Variants in DOCK8 observed in about 807,000 individuals in gnomAD.
DOCK8 encodes the protein dedicator of cytokinesis 8.
A neutral mutation model predicts 245.6 loss-of-function variants in DOCK8; 141 were observed. That is an observed-to-expected ratio of 0.57 (90% CI 0.50 to 0.66). The LOEUF (loss-of-function observed/expected upper bound fraction) is 0.66. DOCK8 is among the 30% of genes least tolerant of loss of function. The pLI is 0.00. For synonymous variants in DOCK8, 1,168 were observed against 970.2 expected (o/e 1.20, Z -3.79); for missense variants, 2,965 against 2,603.4 (o/e 1.14, Z -3.02).
chr9:264,508 A>G (rs1420847555), intron 1 of DOCK8, among the ~76,000 whole-genome samples: 1 of 152,254 alleles, frequency 6.6e-6, no homozygotes, highest in African/African-American at 2.4e-5. Context: ...GAGATAGAGA[A>G]TATGAGAAAC....
rs1414682225 is a variant in DOCK8 at position 429,734 on chromosome 9, A to G, written c.4506A>G (p.Glu1502=). 1.9e-6 allele frequency: 3 copies of G among 1,614,068 alleles called. No individual in the cohort carries two copies. The highest frequency in any genetic ancestry group is 1.3e-5 in the African/African-American group (1 of 74,930). ...ACTTACTCTTTGAAGAGGAGGTGGA[A>G]CAGTGTTTCGACCTATGTCACCAAG... ...FGDLLFEEEV[E]QCFDLCHQVL... is the part of the protein sequence containing the mutation. The change falls in exon 36 of 48, where the codon GAA becomes GAG. Residue 1502 remains glutamate (E), a synonymous_variant. Coordinates refer to ENST00000432829, the MANE Select transcript of DOCK8 (RefSeq NM_203447.4).
In DOCK8 at chr9:261,475, C is replaced by G. The variant is rs7862339; in HGVS notation, c.54-10152C>G. On this transcript the variant is annotated intron_variant, in intron 1 of 47. Transcript: ENST00000432829. ...GTTCTACATGGCATCAGACTAGCTA[C>G]TCTATATGATTTCTGGACCTTTGCA... 1.0e-3 allele frequency among the ~76,000 whole-genome samples: 153 copies of G among 152,262 alleles called. 1 individual carries two copies. The highest frequency in any genetic ancestry group is 3.5e-3 in the African/African-American group (144 of 41,554).
At chr9:243,413 G>C (rs1383665778) in intron 1 of DOCK8, among the ~76,000 whole-genome samples, 3 of 152,194 alleles carry the variant, frequency 2.0e-5, no homozygotes, top group Non-Finnish European at 4.4e-5. Flanking sequence ...GAAAGGGACA[G>C]TGCGCTGCTG....
rs2057268550 is a variant in DOCK8 at position 446,586 on chromosome 9, A to C, written c.5797A>C (p.Ser1933Arg). The part of the protein sequence containing the change: ...HAFPYIKTRI[S>R]VIQKEEFVLT... ...CTTCCCCTACATCAAGACCAGGATC[A>C]GCGTCATCCAGAAGGAGGAGGTAAT... Residue 1933 changes from serine to arginine, a missense_variant, in exon 44 of 48, where the codon AGC becomes CGC. This residue lies in a region of DOCK8 where 2,825 missense variants were observed against 2,453.5 expected (regional missense o/e 1.15). Coordinates refer to ENST00000432829, the MANE Select transcript of DOCK8 (RefSeq NM_203447.4). 1 of 1,614,112 alleles carries C rather than the reference A, an allele frequency of 6.2e-7. No individual in the cohort carries two copies. The highest frequency in any genetic ancestry group is 1.7e-5 in the Admixed American group (1 of 60,006).
At chr9:388,947 G>T (rs771941257) in intron 23 of DOCK8, among the ~76,000 whole-genome samples, 1 of 152,040 alleles carries the variant, frequency 6.6e-6, no homozygotes, top group African/African-American at 2.4e-5. Flanking sequence ...TTGCAAATAA[G>T]GATATGATAT....
intron 26 of DOCK8, among the ~76,000 whole-genome samples, chr9:403,622 G>A (rs1383663231): frequency 6.6e-6 from 1 of 151,906 alleles, no homozygotes; most frequent in African/African-American, 2.4e-5. Context: ...CCAGCACTTT[G>A]GGAGGCCAAG....
intron 29 of DOCK8, among the ~76,000 whole-genome samples, chr9:417,695 AT>A (rs2056087754): frequency 6.6e-6 from 1 of 152,210 alleles, no homozygotes; most frequent in Non-Finnish European, 1.5e-5. Flanking sequence ...ATAGCTTATT[AT>A]TCTATATAAG....
intron 26 of DOCK8, among the ~76,000 whole-genome samples, chr9:399,742 T>C (rs1165827614): frequency 6.6e-6 from 1 of 152,042 alleles, no homozygotes; most frequent in Non-Finnish European, 1.5e-5. Flanking sequence ...ATAGCAAATA[T>C]TTCATAAACC....
At chr9:251,972 CTTTT>C (rs34456943) in intron 1 of DOCK8, among the ~76,000 whole-genome samples, 81 of 130,580 alleles carry the variant, frequency 6.2e-4, no homozygotes, top group African/African-American at 6.2e-4. Context: ...ATTGTGTTTT[CTTTT>C]TTTTTTTTTT....
chr9:408,058 G>C (rs1385620286), intron 28 of DOCK8, among the ~76,000 whole-genome samples: 1 of 152,116 alleles, frequency 6.6e-6, no homozygotes, highest in African/African-American at 2.4e-5. Context: ...CCATCTCCCT[G>C]CACAGGGAAC....
chr9:429,620 A>C (rs890650557), intron 35 of DOCK8, 82 bp from the exon 36 acceptor site: 2 of 1,547,650 alleles, frequency 1.3e-6, no homozygotes, highest in Non-Finnish European at 1.8e-6. Flanking sequence ...GCTTGTCCAA[A>C]TGGACATTTG....
intron 40 of DOCK8, among the ~76,000 whole-genome samples, chr9:440,141 C>T (rs1207223837): frequency 6.6e-6 from 1 of 152,158 alleles, no homozygotes; most frequent in Non-Finnish European, 1.5e-5. Context: ...GCCTCAGCCT[C>T]ATGAGTAGCT....
intron 28 of DOCK8, among the ~76,000 whole-genome samples, chr9:412,762 A>C (rs2055805384): frequency 6.6e-6 from 1 of 152,236 alleles, no homozygotes; most frequent in Non-Finnish European, 1.5e-5. Flanking sequence ...AGAAAGATAT[A>C]AATAAATGGA....
intron 1 of DOCK8, among the ~76,000 whole-genome samples, chr9:269,915 A>G (rs969310153): frequency 1.3e-5 from 2 of 152,136 alleles, no homozygotes; most frequent in African/African-American, 2.4e-5. Context: ...GCTGGGATAC[A>G]TGGGAGCTCT....
chr9:413,937 T>G (rs1206458238), intron 28 of DOCK8, among the ~76,000 whole-genome samples: 2 of 151,658 alleles, frequency 1.3e-5, no homozygotes, highest in African/African-American at 4.8e-5. Context: ...AGGCCAGGAG[T>G]TCGAGACCAG....
chr9:428,485 C>G lies in DOCK8; in HGVS notation c.4462C>G (p.Leu1488Val), dbSNP rs763192893. 4 of 1,614,072 alleles carry G rather than the reference C, an allele frequency of 2.5e-6. No individual in the cohort carries two copies. Among genetic ancestry groups the G allele is most frequent in the Non-Finnish European group, 3.4e-6 (4 of 1,180,032 alleles). ...TCACTGCTTTGCAACACTCCGTGCT[C>G]TCATCGCCAAGGTAAACTTGGGATG... ...LTHCFATLRALIAKFGDLLFE... is the reference protein window; with the variant it reads ...LTHCFATLRAVIAKFGDLLFE... Residue 1488 changes from leucine to valine, a missense_variant, in exon 35 of 48, where the codon CTC becomes GTC. Transcript: ENST00000432829.
chr9:442,194 A>G (rs1432382066), intron 42 of DOCK8, among the ~76,000 whole-genome samples, 185 bp downstream of exon 42: 1 of 152,240 alleles, frequency 6.6e-6, no homozygotes, highest in Non-Finnish European at 1.5e-5. Flanking sequence ...GAGGTGATGT[A>G]ATATTTTGAT....
intron 1 of DOCK8, among the ~76,000 whole-genome samples, chr9:262,021 AAGAAAGAAAG>A (rs2047930011): frequency 6.7e-6 from 1 of 150,300 alleles, no homozygotes; most frequent in African/African-American, 2.5e-5. Context: ...GAAAGAAAGA[AAGAAAGAAAG>A]AAAGACACCG....
At chr9:365,795 T>C (rs960795424) in intron 14 of DOCK8, 8 of 382,048 alleles carry the variant, frequency 2.1e-5, no homozygotes, top group Non-Finnish European at 3.6e-5. Flanking sequence ...GCTTATTTGA[T>C]TGGTGGCAGT....
Sources: gnomAD v4.1 joint callset for allele counts (sites outside exome capture counted in the v4.1 genomes callset) on GRCh38, gnomAD v4.1.1 for gene constraint, gnomAD v4.1.1 regional missense constraint, MANE v1.5 for transcripts, NCBI Gene and HGNC (gene_info 2026-07-23, HGNC 2026-07-21) for gene names.